The following TREM1 variants were observed in gnomAD, a reference collection of about 807,000 sequenced individuals.
The protein encoded by TREM1 is triggering receptor expressed on monocytes 1.
A neutral mutation model predicts 22.4 loss-of-function variants in TREM1; 16 were observed. That is an observed-to-expected ratio of 0.71 (90% CI 0.48 to 1.08). TREM1 has a LOEUF of 1.08. TREM1 is among the 50% of genes least tolerant of loss of function. TREM1 has a pLI of 0.00. For missense variants in TREM1, 283 were observed against 282.9 expected, an observed-to-expected ratio of 1.00 and a Z score of 0.00; for synonymous variants, 110 against 111.6, an observed-to-expected ratio of 0.99 and a Z score of 0.09.
At chr6:41,273,537 C>A (rs780012415), downstream of TREM1, among the ~76,000 whole-genome samples, 3 of 152,256 alleles carry the variant, frequency 2.0e-5, no homozygotes, top group Non-Finnish European at 4.4e-5. Flanking sequence ...CCTCCAAGAC[C>A]TGTGTCGTTA....
rs1767636602 is a variant in TREM1, at chr6:41,275,664, T to G, written c.*461A>C. ...ACCACACATAAGCATGAAACCCAAG[T>G]GTCTGATGCTAGAAAGAGGAAGTCC... On this transcript the variant is annotated 3_prime_UTR_variant, in exon 4 of 4. Coordinates refer to ENST00000244709, the MANE Select transcript of TREM1 (RefSeq NM_018643.5). 6.4e-6 allele frequency: 1 copy of G among 157,458 alleles called. No individual in the cohort carries two copies. The highest frequency in any genetic ancestry group is 1.9e-4 in the East Asian group (1 of 5,330). 9.8% of individuals were successfully genotyped at this position (157,458 alleles called of 1,614,324 possible).
rs1767902108 is a variant in TREM1, at chr6:41,281,147, G to T, written c.413C>A (p.Ser138Ter). 1 of 1,613,150 alleles carries T rather than the reference G, an allele frequency of 6.2e-7. No individual in the cohort carries two copies. Among genetic ancestry groups the T allele is most frequent in the Non-Finnish European group, 8.5e-7 (1 of 1,179,292 alleles). The change falls in exon 3 of 4, where the codon TCA (serine) becomes TAA (stop). Residue 138 changes from serine (S) to a stop codon, truncating the protein, a stop_gained. Coordinates refer to ENST00000244709, the MANE Select transcript of TREM1 (RefSeq NM_018643.5). LOFTEE classifies it high-confidence loss of function. Reference sequence around the variant, plus strand: ...ATTCTCATTGGAGCCAGGGGTCCCTGAAAAACCTGCAAGAAGACACATTGG... The same window carrying T: ...ATTCTCATTGGAGCCAGGGGTCCCTTAAAAACCTGCAAGAAGACACATTGG... ...RIRLVVTKGF[S>*]GTPGSNENST... is the part of the protein sequence containing the mutation.
chr6:41,282,495 G>T lies in TREM1; in HGVS notation c.306C>A (p.Asn102Lys), dbSNP rs1450993547. Residue 102 changes from asparagine (N) to lysine (K), a missense_variant, in exon 2 of 4, where the codon AAC (asparagine) becomes AAA (lysine). Transcript: ENST00000244709. Reference sequence around the variant, plus strand: ...ACAGTCCAGAATCTTCCACTTGAAGGTTGACCATTCGGACGCGCAGTAAAC... The same window carrying T: ...ACAGTCCAGAATCTTCCACTTGAAGTTTGACCATTCGGACGCGCAGTAAAC... ...DHGLLRVRMV[N>K]LQVEDSGLYQ... The T allele has an allele frequency of 3.1e-6, 5 of 1,614,066 alleles. No individual in the cohort carries two copies. The highest frequency in any genetic ancestry group is 4.2e-6 in the Non-Finnish European group (5 of 1,180,050).
chr6:41,282,999 T>C (rs1235725925), intron 1 of TREM1, among the ~76,000 whole-genome samples: 7 of 152,090 alleles, frequency 4.6e-5, no homozygotes, highest in Admixed American at 2.6e-4. Context: ...TCATAAATGA[T>C]CAGAAGAGGA....
At chr6:41,277,383 C>T (rs2113979386) in intron 3 of TREM1, among the ~76,000 whole-genome samples, 1 of 152,160 alleles carries the variant, frequency 6.6e-6, no homozygotes. Flanking sequence ...GGCAGAGAGA[C>T]AGGCAGCAAG....
chr6:41,269,458 G>T (rs1052158332), downstream of TREM1, among the ~76,000 whole-genome samples: 2 of 152,184 alleles, frequency 1.3e-5, no homozygotes, highest in African/African-American at 4.8e-5. Context: ...TCTGCAGAAT[G>T]ACATAGTGAA....
downstream of TREM1, chr6:41,267,828 T>C (rs2113965494): frequency 5.0e-6 from 2 of 397,146 alleles, no homozygotes; most frequent in Middle Eastern, 1.3e-3. Context: ...CAACTCAGTT[T>C]GGTTACATGA....
In TREM1 at chr6:41,277,592, T is replaced by C. The variant is rs116134692; in HGVS notation, c.600-1362A>G. Among the ~76,000 whole-genome samples the C allele has an allele frequency of 6.4e-3, 973 of 152,306 alleles. 7 individuals carry two copies. The highest frequency in any genetic ancestry group is 0.022 in the African/African-American group (920 of 41,562). ...TTACCATTTTCCTATGCTGAACTCC[T>C]GGGGCATGTCCACTCCCAACAGGCC... is the stretch of plus-strand genomic sequence containing the variant. On this transcript the variant is annotated intron_variant, in intron 3 of 3. Transcript: ENST00000244709.
At chr6:41,277,970 G>A (rs1767738376) in intron 3 of TREM1, among the ~76,000 whole-genome samples, 2 of 146,866 alleles carry the variant, frequency 1.4e-5, no homozygotes, top group Admixed American at 6.8e-5. Flanking sequence ...TGCCCAGGCT[G>A]GAGTACAGTG....
At chr6:41,286,422 CCTT>C (rs1222544957) in intron 1 of TREM1, among the ~76,000 whole-genome samples, 182 bp downstream of exon 1, 17 of 152,174 alleles carry the variant, frequency 1.1e-4, no homozygotes, top group Admixed American at 6.5e-4. Context: ...CTGACTCTCT[CCTT>C]CTTTTACTTT....
chr6:41,282,888 AAT>A, intron 1 of TREM1, 137 bp from the exon 2 acceptor site: 1 of 782,788 alleles, frequency 1.3e-6, no homozygotes, highest in Non-Finnish European at 2.1e-6. Context: ...CTCCAGAGAA[AAT>A]ACAACTTGCC....
downstream of TREM1, among the ~76,000 whole-genome samples, chr6:41,268,875 C>T (rs1224641752): frequency 1.3e-5 from 2 of 152,154 alleles, no homozygotes; most frequent in Non-Finnish European, 2.9e-5. Context: ...TGTAATCAGC[C>T]TGTCAGTGAC....
downstream of TREM1, chr6:41,267,869 C>G (rs1422394759): frequency 2.5e-6 from 1 of 398,062 alleles, no homozygotes; most frequent in African/African-American, 2.1e-5. Context: ...AAGACAAAAG[C>G]TAAAGCTAAA....
intron 3 of TREM1, chr6:41,279,510 A>T (rs1203285619): frequency 1.0e-6 from 1 of 983,776 alleles, no homozygotes; most frequent in Non-Finnish European, 1.2e-6. Flanking sequence ...AAATGAAAGT[A>T]GAGGAAAAAA....
intron 3 of TREM1, chr6:41,268,092 C>A: frequency 2.5e-6 from 1 of 398,606 alleles, no homozygotes; most frequent in Non-Finnish European, 4.4e-6. Flanking sequence ...CTTTTCCCTG[C>A]AAATTCAAGC....
At chr6:41,276,262 T>C in intron 3 of TREM1, 32 bp from the exon 4 acceptor site, 1 of 1,534,724 alleles carries the variant, frequency 6.5e-7, no homozygotes, top group Non-Finnish European at 9.0e-7. Context: ...ACGCTACTGC[T>C]GGCAAAGTCT....
rs960148462 is a variant in TREM1 at position 41,281,127 on chromosome 6, C to T, written c.433G>A (p.Glu145Lys). 13 of 1,614,016 alleles carry T rather than the reference C, an allele frequency of 8.1e-6. No individual in the cohort carries two copies. Among genetic ancestry groups the T allele is most frequent in the African/African-American group, 5.3e-5 (4 of 75,034 alleles). The change falls in exon 3 of 4, where the codon GAG (glutamate) becomes AAG (lysine). Residue 145 changes from glutamate (E) to lysine (K), a missense_variant. Physicochemically the swap from Glu to Lys is moderately conservative, Grantham distance 56. Coordinates refer to ENST00000244709, the MANE Select transcript of TREM1 (RefSeq NM_018643.5). ...TTATACACATTCTGGGTAGAATTCT[C>T]ATTGGAGCCAGGGGTCCCTGAAAAA... ...KGFSGTPGSNENSTQNVYKIP... is the reference protein window; with the variant it reads ...KGFSGTPGSNKNSTQNVYKIP...
In TREM1 at chr6:41,282,592, G is replaced by C. The variant is rs764036386; in HGVS notation, c.209C>G (p.Thr70Arg). ...DGEMPKTLACTERPSKNSHPV... is the reference protein window; with the variant it reads ...DGEMPKTLACRERPSKNSHPV... ...ATGGGAATTCTTTGAAGGCCTCTCT[G>C]TGCATGCCAGGGTCTTGGGCATCTC... The change falls in exon 2 of 4, where the codon ACA (threonine) becomes AGA (arginine). Residue 70 changes from threonine to arginine, a missense_variant. By Grantham distance (71) the Thr-to-Arg change is moderately conservative (BLOSUM62 -1). Coordinates refer to ENST00000244709, the MANE Select transcript of TREM1 (RefSeq NM_018643.5). The C allele has an allele frequency of 6.2e-7, 1 of 1,614,054 alleles. No homozygotes were observed. The highest frequency in any genetic ancestry group is 8.5e-7 in the Non-Finnish European group (1 of 1,180,032).
chr6:41,280,922 A>C (rs2234241), intron 3 of TREM1, 39 bp downstream of exon 3: 1 of 1,613,978 alleles, frequency 6.2e-7, no homozygotes. Context: ...CAAAGGGCTC[A>C]GTGTCCAAAC....
Sources: allele counts gnomAD v4.1 joint callset (sites outside exome capture counted in the v4.1 genomes callset), GRCh38; gene constraint gnomAD v4.1.1; transcripts MANE v1.5; gene names NCBI Gene and HGNC (gene_info 2026-07-23, HGNC 2026-07-21).